Variants in OPLAH observed in about 807,000 individuals in gnomAD.
The protein encoded by OPLAH is 5-oxoprolinase.
A neutral mutation model predicts 122.8 loss-of-function variants in OPLAH; 103 were observed. The observed-to-expected ratio is 0.84, with a 90% CI of 0.71 to 0.99. OPLAH has a LOEUF of 0.99. OPLAH is among the 50% of genes least tolerant of loss of function. OPLAH has a pLI of 0.00. For synonymous variants in OPLAH, 875 were observed against 796.0 expected (o/e 1.10, Z -1.67); for missense variants, 1,902 against 1,836.5 (o/e 1.04, Z -0.65).
At position 144,051,476 on chromosome 8, in the gene OPLAH, T is replaced by C; in HGVS notation, c.3721-4A>G. 6.3e-6 allele frequency: 6 copies of C among 959,186 alleles called. No homozygotes were observed. Among genetic ancestry groups the C allele is most frequent in the Non-Finnish European group, 8.1e-6 (6 of 743,252 alleles). The allele number at this position is 959,186 out of a possible 1,614,324, so 59.4% of individuals were successfully genotyped here. On this transcript the variant is annotated splice_polypyrimidine_tract_variant and splice_region_variant and intron_variant, in intron 26 of 26. Transcript: ENST00000618853. ...GCGTGTGGAGACAGAACACATCCTG[T>C]TGGCGCGGGGGGGGGCGGGGAGGCG...
Position 144,057,843 on chromosome 8 carries a change from T to C in OPLAH, c.1156+13A>G. On this transcript the variant is annotated intron_variant, in intron 9 of 26. Transcript: ENST00000618853. ...GGAGGGCAAGGCCAGGCCGGCCAGA[T>C]CCTGACTCTTACCTTTGCGGTAGCA... 6.2e-7 allele frequency: 1 copy of C among 1,609,624 alleles called. No homozygotes were observed. Among genetic ancestry groups the C allele is most frequent in the Non-Finnish European group, 8.5e-7 (1 of 1,178,620 alleles).
At position 144,058,532 on chromosome 8, in the gene OPLAH, C is replaced by T. The variant is rs782535340; in HGVS notation, c.747G>A (p.Val249=). 6.3e-7 allele frequency: 1 copy of T among 1,595,728 alleles called. No individual in the cohort carries two copies. Among genetic ancestry groups the T allele is most frequent in the Non-Finnish European group, 8.5e-7 (1 of 1,176,262 alleles). The change falls in exon 6 of 27, where the codon GTG becomes GTA. Residue 249 remains valine (V), a synonymous_variant. Transcript: ENST00000618853. ...AYLTPAIQRY[V]QGFCRGFQGQ... ...CCTGGAAGCCACGGCAGAAGCCCTGCACGTAGCGCTGGATGGCGGGCGTGA... is the reference window on the plus strand; with the variant it reads ...CCTGGAAGCCACGGCAGAAGCCCTGTACGTAGCGCTGGATGGCGGGCGTGA...
intron 23 of OPLAH, 25 bp from the exon 24 acceptor site, chr8:144,052,351 G>T: frequency 1.3e-6 from 2 of 1,511,432 alleles, no homozygotes; most frequent in South Asian, 2.5e-5. Flanking sequence ...TGGTCGCTGC[G>T]CTGGGCTGGG....
chr8:144,053,023 C>A lies in OPLAH; in HGVS notation c.2978G>T (p.Gly993Val). 1 of 1,603,286 alleles carries A rather than the reference C, an allele frequency of 6.2e-7. No individual in the cohort carries two copies. The highest frequency in any genetic ancestry group is 8.5e-7 in the Non-Finnish European group (1 of 1,176,036). The change falls in exon 21 of 27, where the codon GGT becomes GTT. Residue 993 changes from glycine to valine, a missense_variant. Transcript: ENST00000618853. ...CTGCACACGGAGGCGGATGGGGGAA[C>A]CGTCGTCCATGTGGTCTTCCGAGGA... ...EVSSEDHMDD[G>V]SPIRLRVQIS...
chr8:144,054,742 G>T lies in OPLAH; in HGVS notation c.2512-7C>A, dbSNP rs541135459. On this transcript the variant is annotated splice_polypyrimidine_tract_variant and splice_region_variant and intron_variant, in intron 18 of 26. Coordinates refer to ENST00000618853, the MANE Select transcript of OPLAH (RefSeq NM_017570.5). ...TCTGACCCGGCCAAAACACCTAGCG[G>T]GTGGAGAGCCACGGTCAGCTGCATC... 3.7e-4 allele frequency: 601 copies of T among 1,612,166 alleles called. 6 individuals are homozygous for T. In the Admixed American group the frequency reaches 9.4e-3, roughly 25 times the overall value.
At chr8:144,050,325 A>G (rs1457472233), downstream of OPLAH, 1 of 971,686 alleles carries the variant, frequency 1.0e-6, no homozygotes, top group Non-Finnish European at 1.2e-6. Flanking sequence ...TGCGCAGCAA[A>G]CAGCTGACGC....
At chr8:144,051,531 C>G in intron 26 of OPLAH, 59 bp from the exon 27 acceptor site, 1 of 1,352,386 alleles carries the variant, frequency 7.4e-7, no homozygotes, top group Non-Finnish European at 9.9e-7. Context: ...CCCTCCCTGT[C>G]ACCTGCGCAG....
Position 144,051,971 on chromosome 8 carries a change from C to G in OPLAH, c.3567G>C (p.Glu1189Asp). ...GVTRELLFRE[E>D]ALLSVLTERR... ...GCTCGGTCAGCACTGACAGCAGCGC[C>G]TCCTCACGAAAGAGCAGCTCGCGGG... Residue 1189 changes from glutamate (E) to aspartate (D), a missense_variant, in exon 25 of 27, where the codon GAG becomes GAC. Coordinates refer to ENST00000618853, the MANE Select transcript of OPLAH (RefSeq NM_017570.5). The G allele has an allele frequency of 6.3e-7, 1 of 1,576,106 alleles. No individual in the cohort carries two copies. The highest frequency in any genetic ancestry group is 8.5e-7 in the Non-Finnish European group (1 of 1,169,612).
At position 144,058,252 on chromosome 8, in the gene OPLAH, G is replaced by T; in HGVS notation, c.936C>A (p.Gly312=). The change falls in exon 7 of 27, where the codon GGC becomes GGA. Residue 312 remains glycine, a synonymous_variant. Coordinates refer to ENST00000618853, the MANE Select transcript of OPLAH (RefSeq NM_017570.5). ...YQQEGGQPVI[G]FDMGGTSTDV... The stretch of plus-strand genomic sequence containing the variant: ...CGGCCCTCATACCTCCCATGTCAAA[G>T]CCGATGACAGGCTGGCCACCCTCCT... 1 of 1,610,530 alleles carries T rather than the reference G, an allele frequency of 6.2e-7. No homozygotes were observed. The highest frequency in any genetic ancestry group is 8.5e-7 in the Non-Finnish European group (1 of 1,178,776).
At position 144,054,873 on chromosome 8, in the gene OPLAH, A is replaced by G; in HGVS notation, c.2450T>C (p.Leu817Pro). ...CCCGGCACTGGGATGGTTGCTCAGT[A>G]GCACGTCGCCAGGGTGGAGATCGGC... is the stretch of plus-strand genomic sequence containing the variant. The part of the protein sequence containing the change: ...LGADLHPGDV[L>P]LSNHPSAGGS... The change falls in exon 18 of 27, where the codon CTA becomes CCA. Residue 817 changes from leucine to proline, a missense_variant. By Grantham distance (98) the Leu-to-Pro change is moderately conservative (BLOSUM62 -3). Around this residue, in one of 3 missense-constraint regions of OPLAH, gnomAD observed 1,726 missense variants for 1,642.1 expected, o/e 1.05. Transcript: ENST00000618853. 1 of 1,610,988 alleles carries G rather than the reference A, an allele frequency of 6.2e-7. No homozygotes were observed. Among genetic ancestry groups the G allele is most frequent in the South Asian group, 1.1e-5 (1 of 91,040 alleles).
rs1554758830 is a variant in OPLAH at position 144,055,804 on chromosome 8, G to A, written c.2232C>T (p.Arg744=). The change falls in exon 16 of 27, where the codon CGC becomes CGT. Residue 744 remains arginine, a synonymous_variant. Transcript: ENST00000618853. The surrounding 1 kb of genome is among the most constrained non-coding windows in gnomAD (Gnocchi z 6.5). ...GCCACTCACCAGCAATGCTCATGAA[G>A]CGGTGTGAGAAGATGGACAGCTGGA... ...DPIQLSIFSH[R]FMSIAEQMGR... 6.5e-7 allele frequency: 1 copy of A among 1,549,394 alleles called. No homozygotes were observed. Among genetic ancestry groups the A allele is most frequent in the East Asian group, 2.4e-5 (1 of 41,766 alleles).
chr8:144,063,502 C>A (rs555617890), upstream of OPLAH, among the ~76,000 whole-genome samples: 1 of 152,338 alleles, frequency 6.6e-6, no homozygotes, highest in East Asian at 1.9e-4. This position sits in a 1 kb window ranked among gnomAD's most constrained non-coding sequence, Gnocchi z 4.2. Context: ...GTTCCCTGGG[C>A]CTGGAAAGCC....
In OPLAH at chr8:144,057,138, G is replaced by A. The variant is rs782452212; in HGVS notation, c.1536-20C>T. ...CTGTGCCTGCAGGGATGGGCAGCAT[G>A]GCAATGGGAGGTCACCTCCCAAGCC... is the stretch of plus-strand genomic sequence containing the variant. On this transcript the variant is annotated intron_variant, in intron 11 of 26. Coordinates refer to ENST00000618853, the MANE Select transcript of OPLAH (RefSeq NM_017570.5). The A allele has an allele frequency of 3.8e-6, 6 of 1,593,658 alleles. No homozygotes were observed. Among genetic ancestry groups the A allele is most frequent in the Non-Finnish European group, 5.1e-6 (6 of 1,170,884 alleles).
At position 144,055,748 on chromosome 8, in the gene OPLAH, G is replaced by A. The variant is rs371234833; in HGVS notation, c.2248+40C>T. 55 of 1,463,152 alleles carry A rather than the reference G, an allele frequency of 3.8e-5. No individual in the cohort carries two copies. The East Asian group carries it at 9.8e-4, about 26-fold the overall frequency. 90.6% of individuals were successfully genotyped at this position (1,463,152 alleles called of 1,614,324 possible). The stretch of plus-strand genomic sequence containing the variant: ...CTGCCAGCTACCCCATGACACAGCC[G>A]GCGCCTCATCCCACAGGGAGCCTGG... On this transcript the variant is annotated intron_variant, in intron 16 of 26. Transcript: ENST00000618853. The surrounding 1 kb of genome is among the most constrained non-coding windows in gnomAD (Gnocchi z 6.5).
rs782221627 is a variant in OPLAH, at chr8:144,055,904, A to G, written c.2132T>C (p.Val711Ala). The G allele has an allele frequency of 6.3e-7, 1 of 1,587,182 alleles. No individual in the cohort carries two copies. ...ILVEPGCQAE[V>A]TKTGDICISV... ...GATGCAGATGTCCCCTGTCTTGGTC[A>G]CCTCTGCCTGGCAACCTGGCTCCAC... The change falls in exon 16 of 27, where the codon GTG becomes GCG. Residue 711 changes from valine to alanine, a missense_variant. Physicochemically the swap from Val to Ala is moderately conservative, Grantham distance 64. This residue lies in a region of OPLAH where 1,726 missense variants were observed against 1,642.1 expected (regional missense o/e 1.05). Transcript: ENST00000618853. The surrounding 1 kb of genome is among the most constrained non-coding windows in gnomAD (Gnocchi z 6.5).
chr8:144,056,637 C>G lies in OPLAH; in HGVS notation c.1825G>C (p.Gly609Arg), dbSNP rs782490695. The G allele has an allele frequency of 1.1e-5, 17 of 1,612,132 alleles. No homozygotes were observed. In the Admixed American group the frequency reaches 2.8e-4, roughly 27 times the overall value. ...ACGTACCGCTCCACAAAGGCTGCCC[C>G]GAAGTCCCCCGCACGGGGCGAGCGG... ...TARSPRAGDF[G>R]AAFVERYMRE... The change falls in exon 13 of 27, where the codon GGG (glycine) becomes CGG (arginine). Residue 609 changes from glycine (G) to arginine (R), a missense_variant. Physicochemically the swap from Gly to Arg is moderately radical, Grantham distance 125. This residue lies in a region of OPLAH where 1,726 missense variants were observed against 1,642.1 expected (regional missense o/e 1.05). Transcript: ENST00000618853.
chr8:144,059,398 C>T (rs531771317), intron 3 of OPLAH, among the ~76,000 whole-genome samples: 33 of 152,302 alleles, frequency 2.2e-4, no homozygotes, highest in Non-Finnish European at 3.4e-4. Context: ...GTGGGCATGG[C>T]GGCAGGCAGG....
Position 144,056,248 on chromosome 8 carries a change from G to C in OPLAH, c.1995C>G (p.Cys665Trp). 3 of 1,611,480 alleles carry C rather than the reference G, an allele frequency of 1.9e-6. No individual in the cohort carries two copies. The highest frequency in any genetic ancestry group is 2.5e-6 in the Non-Finnish European group (3 of 1,178,860). Residue 665 changes from cysteine to tryptophan, a missense_variant, in exon 15 of 27, where the codon TGC becomes TGG. This residue lies in a region of OPLAH where 1,726 missense variants were observed against 1,642.1 expected (regional missense o/e 1.05). Coordinates refer to ENST00000618853, the MANE Select transcript of OPLAH (RefSeq NM_017570.5). ...TCTCCTGGTAGCCCCCCTCAAAGTA[G>C]CACTGGGTCATCTGCAGAGGGTGCG... ...GPPRVDKMTQCYFEGGYQETP... is the reference protein window; with the variant it reads ...GPPRVDKMTQWYFEGGYQETP...
chr8:144,050,612 G>T (rs1324310652), downstream of OPLAH: 6 of 985,704 alleles, frequency 6.1e-6, no homozygotes, highest in East Asian at 2.3e-4. Context: ...CGCGCCAAAA[G>T]CAGCCCTGGG....
Sources: gnomAD v4.1 joint callset for allele counts (sites outside exome capture counted in the v4.1 genomes callset) on GRCh38, gnomAD v4.1.1 for gene constraint, gnomAD v4.1.1 regional missense constraint, Gnocchi (gnomAD v3.1) non-coding constraint, MANE v1.5 for transcripts, NCBI Gene and HGNC (gene_info 2026-07-23, HGNC 2026-07-21) for gene names.